TNKS: variants seen among roughly 807,000 people sequenced by gnomAD.
The protein encoded by TNKS is tankyrase.
Under a neutral mutation model 135.8 loss-of-function variants are expected in TNKS, and 72 were observed. The ratio of observed to expected loss-of-function variants is 0.53; its 90% CI spans 0.44 to 0.64. The LOEUF is 0.64. Among genes scored for constraint, TNKS ranks in the 30% least tolerant of loss-of-function variants. TNKS has a pLI of 0.00. For synonymous variants in TNKS, 849 were observed against 649.3 expected (o/e 1.31, Z -4.68); for missense variants, 1,769 against 1,674.0 (o/e 1.06, Z -0.99).
intron 1 of TNKS, chr8:9,558,776 G>C (rs950452844): frequency 6.6e-6 from 1 of 152,122 alleles, no homozygotes; most frequent in Non-Finnish European, 1.5e-5. Context: ...TTTTAAGAAA[G>C]TTTTTAGCTC....
At chr8:9,720,146 T>G (rs1362821669) in intron 11 of TNKS, among the ~76,000 whole-genome samples, 2 of 152,040 alleles carry the variant, frequency 1.3e-5, no homozygotes, top group Non-Finnish European at 2.9e-5. Flanking sequence ...AAATGGTCAT[T>G]CCGGGAAGAA....
intron 5 of TNKS, among the ~76,000 whole-genome samples, chr8:9,688,188 C>T (rs1414676183): frequency 1.3e-5 from 2 of 151,800 alleles, no homozygotes; most frequent in South Asian, 4.2e-4. Flanking sequence ...ATTTGAGTAC[C>T]CTTTGGTTTG....
intron 3 of TNKS, among the ~76,000 whole-genome samples, chr8:9,616,685 C>G (rs1408095090): frequency 6.6e-6 from 1 of 152,132 alleles, no homozygotes; most frequent in African/African-American, 2.4e-5. Flanking sequence ...AACAACTTTG[C>G]ACTGTGCTAA....
chr8:9,573,053 G>C (rs893817164), intron 1 of TNKS, among the ~76,000 whole-genome samples: 17 of 151,136 alleles, frequency 1.1e-4, no homozygotes, highest in African/African-American at 4.1e-4. Flanking sequence ...TATATAGCAA[G>C]CCATTCTCAT....
At chr8:9,723,608 T>A (rs1805014787) in intron 12 of TNKS, among the ~76,000 whole-genome samples, 1 of 152,240 alleles carries the variant, frequency 6.6e-6, no homozygotes, top group Non-Finnish European at 1.5e-5. Flanking sequence ...TTCCAAAGAT[T>A]TGATTTCTTT....
intron 17 of TNKS, among the ~76,000 whole-genome samples, chr8:9,747,621 G>C (rs896333951): frequency 6.6e-6 from 1 of 152,224 alleles, no homozygotes; most frequent in African/African-American, 2.4e-5. Flanking sequence ...GAATCAATGT[G>C]AATAGAATGC....
At chr8:9,597,407 A>G (rs149890853) in intron 2 of TNKS, among the ~76,000 whole-genome samples, 3 of 152,260 alleles carry the variant, frequency 2.0e-5, no homozygotes, top group South Asian at 2.1e-4. Flanking sequence ...TGACATTCCC[A>G]TAAGCTGCTC....
chr8:9,769,612 CTTTTTTTTT>C (rs1163803220), intron 25 of TNKS, among the ~76,000 whole-genome samples: 2 of 73,462 alleles, frequency 2.7e-5, no homozygotes, highest in East Asian at 4.7e-4. Flanking sequence ...CAGGCATTTT[CTTTTTTTTT>C]TTTTTTTTTT....
In TNKS at chr8:9,556,165, G is replaced by C. The variant is rs1203382919; in HGVS notation, c.226G>C (p.Asp76His). The change falls in exon 1 of 27, where the codon GAC becomes CAC. Residue 76 changes from aspartate (D) to histidine (H), a missense_variant. Physicochemically the swap from Asp to His is moderately conservative, Grantham distance 81 (BLOSUM62 -1). Around this residue, in one of 5 missense-constraint regions of TNKS, gnomAD observed 450 missense variants for 304.9 expected, o/e 1.48. Transcript: ENST00000310430. ...GGGGGATGGCAGTCGGGATCCGCCC[G>C]ACAGGCCCCGATCCCCGGACCCGGT... Reference protein sequence around the residue: ...PEGDGSRDPPDRPRSPDPVDG... With the variant: ...PEGDGSRDPPHRPRSPDPVDG... The C allele has an allele frequency of 8.7e-6, 14 of 1,611,038 alleles. No individual in the cohort carries two copies. Among genetic ancestry groups the C allele is most frequent in the Non-Finnish European group, 1.2e-5 (14 of 1,178,368 alleles).
At chr8:9,762,979 A>ATATT (rs1032854191) in intron 21 of TNKS, among the ~76,000 whole-genome samples, 168 bp from the exon 22 acceptor site, 12 of 150,424 alleles carry the variant, frequency 8.0e-5, no homozygotes, top group African/African-American at 2.0e-4. Flanking sequence ...GTCTTTGAGT[A>ATATT]TATTTGTTTA....
At chr8:9,709,045 C>A (rs1377567936) in intron 9 of TNKS, among the ~76,000 whole-genome samples, 2 of 152,050 alleles carry the variant, frequency 1.3e-5, no homozygotes, top group African/African-American at 4.8e-5. Flanking sequence ...TTGTCATTGA[C>A]ACATTAAGGC....
At chr8:9,699,163 C>T (rs762199023) in intron 5 of TNKS, among the ~76,000 whole-genome samples, 7 of 152,306 alleles carry the variant, frequency 4.6e-5, no homozygotes, top group Middle Eastern at 3.4e-3. Flanking sequence ...CATCAAATTA[C>T]GTAGCAACAT....
intron 3 of TNKS, among the ~76,000 whole-genome samples, chr8:9,645,714 A>G (rs1227448902): frequency 6.6e-6 from 1 of 152,182 alleles, no homozygotes; most frequent in Non-Finnish European, 1.5e-5. Flanking sequence ...ACATAGCCCC[A>G]TCATAAGTTG....
intron 3 of TNKS, among the ~76,000 whole-genome samples, chr8:9,675,316 A>G (rs996632820): frequency 1.3e-5 from 2 of 152,194 alleles, no homozygotes; most frequent in African/African-American, 4.8e-5. Flanking sequence ...TGGTACCTTG[A>G]TGAGAAAACA....
chr8:9,567,806 G>A (rs1319162281), intron 1 of TNKS, among the ~76,000 whole-genome samples: 3 of 152,142 alleles, frequency 2.0e-5, no homozygotes, highest in African/African-American at 7.2e-5. Flanking sequence ...GGAAGAAGAA[G>A]TTAAAAATTT....
chr8:9,679,492 T>C (rs1021081442), intron 3 of TNKS, among the ~76,000 whole-genome samples: 18 of 152,178 alleles, frequency 1.2e-4, no homozygotes, highest in African/African-American at 3.9e-4. Context: ...TTTTTAACTT[T>C]CCATGTCATT....
At chr8:9,594,471 T>C (rs1798699970) in intron 2 of TNKS, among the ~76,000 whole-genome samples, 5 of 152,214 alleles carry the variant, frequency 3.3e-5, no homozygotes, top group Admixed American at 3.3e-4. Context: ...GTTATCGTAA[T>C]GGAGAGTGTA....
In TNKS at chr8:9,735,377, C is replaced by G; in HGVS notation, c.2534C>G (p.Ala845Gly). ...GRNSTPLHLA[A>G]GYNNLEVAEY... ...CCTGTATTTTTTTTACTCTAAATAG[C>G]AGGCTATAATAACCTGGAAGTAGCT... Residue 845 changes from alanine (A) to glycine (G), a missense_variant and splice_region_variant, in exon 17 of 27, where the codon GCA becomes GGA. Ala to Gly is a moderately conservative substitution (Grantham distance 60). Transcript: ENST00000310430. 2 of 1,612,672 alleles carry G rather than the reference C, an allele frequency of 1.2e-6. No homozygotes were observed. The highest frequency in any genetic ancestry group is 1.7e-6 in the Non-Finnish European group (2 of 1,178,964).
chr8:9,712,209 C>T (rs1020789897), intron 11 of TNKS, among the ~76,000 whole-genome samples: 2 of 152,138 alleles, frequency 1.3e-5, no homozygotes, highest in African/African-American at 2.4e-5. Flanking sequence ...TGTAGTGGCC[C>T]GTAATCACTC....
Sources: gnomAD v4.1 joint callset for allele counts (sites outside exome capture counted in the v4.1 genomes callset) on GRCh38, gnomAD v4.1.1 for gene constraint, gnomAD v4.1.1 regional missense constraint, MANE v1.5 for transcripts, NCBI Gene and HGNC (gene_info 2026-07-23, HGNC 2026-07-21) for gene names.